The following DYNC2H1 variants were observed in gnomAD, a reference collection of about 807,000 sequenced individuals.
DYNC2H1 encodes the protein cytoplasmic dynein 2 heavy chain 1.
DYNC2H1 carries 410 observed loss-of-function variants against 570.0 expected under a neutral mutation model. The observed-to-expected ratio is 0.72, with a 90% confidence interval of 0.66 to 0.78. DYNC2H1 has a LOEUF of 0.78. DYNC2H1 is among the 30% of genes least tolerant of loss of function. The probability of loss-of-function intolerance (pLI) is 0.00; values close to 1 mark genes in which losing one functional copy is unlikely to be tolerated. For missense variants in DYNC2H1, 4,865 were observed against 5,046.4 expected (o/e 0.96, Z 1.09); for synonymous variants, 1,688 against 1,677.6 (o/e 1.01, Z -0.15).
intron 11 of DYNC2H1, 58 bp from the exon 12 acceptor site, chr11:103,125,042 T>G: frequency 2.9e-6 from 4 of 1,359,600 alleles, no homozygotes; most frequent in Non-Finnish European, 4.1e-6. Context: ...CCTATTGTGT[T>G]TATTAGTCAA....
chr11:103,229,503 A>C (rs11225610), intron 59 of DYNC2H1, among the ~76,000 whole-genome samples: 26,761 of 152,010 alleles, frequency 0.18, 2,997 homozygotes, highest in African/African-American at 0.32. Context: ...TTAATATAAG[A>C]ATTGCCTCCT....
chr11:103,162,702 C>T (rs898160065), intron 29 of DYNC2H1, among the ~76,000 whole-genome samples: 5 of 151,944 alleles, frequency 3.3e-5, no homozygotes, highest in East Asian at 1.9e-4. Context: ...GTGAATGGGT[C>T]GACTTTTAAA....
rs752556180 is a variant in DYNC2H1 at position 103,252,507 on chromosome 11, G to A, written c.10043-778G>A. On this transcript the variant is annotated intron_variant, in intron 65 of 88. Transcript: ENST00000375735. The surrounding 1 kb of genome is among the most constrained non-coding windows in gnomAD (Gnocchi z 4.6). ...TTTCTCCGTATCTTCATCAACATTT[G>A]TTATCTCTTGTCTTTTTGATAATAC... Among the ~76,000 whole-genome samples, 21 of 152,018 alleles carry A rather than the reference G, an allele frequency of 1.4e-4. No individual in the cohort carries two copies. The highest frequency in any genetic ancestry group is 3.1e-4 in the Non-Finnish European group (21 of 67,994).
intron 4 of DYNC2H1, among the ~76,000 whole-genome samples, chr11:103,115,659 G>A (rs1042918065): frequency 9.9e-5 from 15 of 152,062 alleles, no homozygotes; most frequent in South Asian, 2.1e-4. Context: ...TTAGCTGGGC[G>A]TGGTGGTGAG....
At chr11:103,467,987 A>G (rs1945248100) in intron 87 of DYNC2H1, among the ~76,000 whole-genome samples, 1 of 152,236 alleles carries the variant, frequency 6.6e-6, no homozygotes, top group Non-Finnish European at 1.5e-5. Context: ...GGCTAGATTA[A>G]CTGCAGAAAC....
chr11:103,389,293 G>T (rs1310736828), intron 83 of DYNC2H1, among the ~76,000 whole-genome samples: 1 of 152,176 alleles, frequency 6.6e-6, no homozygotes, highest in Non-Finnish European at 1.5e-5. Flanking sequence ...TTGTGTAGAG[G>T]TGTTTATAGT....
rs1438794866 is a variant in DYNC2H1 at position 103,145,793 on chromosome 11, T to C, written c.2703-1979T>C. On this transcript the variant is annotated intron_variant, in intron 18 of 88. Transcript: ENST00000375735. The surrounding 1 kb of genome is among the most constrained non-coding windows in gnomAD (Gnocchi z 4.2). ...CATTTTTGAATATGCATCTTTGATA[T>C]ATAATGAGTCATCTTCCATTTCTAT... is the stretch of plus-strand genomic sequence containing the variant. Among the ~76,000 whole-genome samples the C allele has an allele frequency of 6.6e-6, 1 of 152,228 alleles. No individual in the cohort carries two copies. The highest frequency in any genetic ancestry group is 1.5e-5 in the Non-Finnish European group (1 of 68,026).
chr11:103,290,247 A>G (rs1866540540), intron 75 of DYNC2H1, among the ~76,000 whole-genome samples: 1 of 152,020 alleles, frequency 6.6e-6, no homozygotes, highest in Non-Finnish European at 1.5e-5. Flanking sequence ...CTTTTCACAT[A>G]ATGCCTATCT....
At chr11:103,288,887 AAAAAAAAAAG>A (rs1866470696) in intron 75 of DYNC2H1, among the ~76,000 whole-genome samples, 2 of 150,350 alleles carry the variant, frequency 1.3e-5, no homozygotes, top group African/African-American at 2.4e-5. Flanking sequence ...TCTCAAAAAA[AAAAAAAAAAG>A]AAAGAAAATT....
At chr11:103,361,708 G>A (rs56168619) in intron 83 of DYNC2H1, among the ~76,000 whole-genome samples, 5,591 of 152,190 alleles carry the variant, frequency 0.037, 217 homozygotes, top group African/African-American at 0.088. Flanking sequence ...AGAGCAGTGG[G>A]TGCCCTTGAG....
At chr11:103,262,420 T>A (rs528205979) in intron 70 of DYNC2H1, among the ~76,000 whole-genome samples, 27 of 152,140 alleles carry the variant, frequency 1.8e-4, no homozygotes, top group African/African-American at 6.5e-4. Flanking sequence ...AAGGTTGAAA[T>A]GTAGGAAAAA....
chr11:103,234,026 T>C lies in DYNC2H1; in HGVS notation c.9441-8T>C. 6.5e-7 allele frequency: 1 copy of C among 1,549,226 alleles called. No individual in the cohort carries two copies. Among genetic ancestry groups the C allele is most frequent in the African/African-American group, 1.4e-5 (1 of 72,974 alleles). On this transcript the variant is annotated splice_region_variant and splice_polypyrimidine_tract_variant and intron_variant, in intron 60 of 88. Transcript: ENST00000375735. Reference sequence around the variant, plus strand: ...TTTGCTTTTAATTAAATTTTAATGTTTACATAGATTTCAGAGCAGGACTTC... The same window carrying C: ...TTTGCTTTTAATTAAATTTTAATGTCTACATAGATTTCAGAGCAGGACTTC...
At chr11:103,155,297 A>G (rs768694636) in intron 24 of DYNC2H1, 34 bp from the exon 25 acceptor site, 67 of 1,550,850 alleles carry the variant, frequency 4.3e-5, no homozygotes, top group Non-Finnish European at 5.6e-5. Flanking sequence ...ATATGTGTAT[A>G]CATATGACTT....
At chr11:103,358,631 T>C (rs911061750) in intron 83 of DYNC2H1, among the ~76,000 whole-genome samples, 72 of 152,358 alleles carry the variant, frequency 4.7e-4, no homozygotes, top group African/African-American at 1.6e-3. Context: ...ATTCCTTGTC[T>C]TGATGTTTGA....
At chr11:103,123,125 T>C in intron 11 of DYNC2H1, 125 bp downstream of exon 11, 1 of 751,948 alleles carries the variant, frequency 1.3e-6, no homozygotes, top group Non-Finnish European at 1.8e-6. Context: ...TTTTTTTTGT[T>C]GTTTGTTTTT....
intron 17 of DYNC2H1, among the ~76,000 whole-genome samples, chr11:103,140,275 G>T (rs1431319397): frequency 2.0e-5 from 3 of 152,036 alleles, no homozygotes. Flanking sequence ...TGGTTATTTT[G>T]CTCGTTAGTT....
At position 103,291,383 on chromosome 11, in the gene DYNC2H1, A is replaced by G. The variant is rs184897412; in HGVS notation, c.11095+3778A>G. On this transcript the variant is annotated intron_variant, in intron 75 of 88. Coordinates refer to ENST00000375735, the MANE Select transcript of DYNC2H1 (RefSeq NM_001377.3). Reference sequence around the variant, plus strand: ...ACCCACAAGGCGAAGGGTTGCTGTGAGCTGAGATCGTGTCACTGCACTCCA... The same window carrying G: ...ACCCACAAGGCGAAGGGTTGCTGTGGGCTGAGATCGTGTCACTGCACTCCA... Among the ~76,000 whole-genome samples, 1,224 of 152,292 alleles carry G rather than the reference A, an allele frequency of 8.0e-3. 6 individuals carry two copies. The highest frequency in any genetic ancestry group is 0.012 in the Non-Finnish European group (826 of 68,020).
chr11:103,203,815 T>C lies in DYNC2H1; in HGVS notation c.8311+39T>C. On this transcript the variant is annotated intron_variant, in intron 51 of 88. Transcript: ENST00000375735. This position sits in a 1 kb window ranked among gnomAD's most constrained non-coding sequence, Gnocchi z 4.7. ...AATTCATTAATCAAATCAAACTGGT[T>C]TGTATGAAATATATATCATTTAATT... 1 of 1,352,136 alleles carries C rather than the reference T, an allele frequency of 7.4e-7. No individual in the cohort carries two copies. Among genetic ancestry groups the C allele is most frequent in the Non-Finnish European group, 1.0e-6 (1 of 967,204 alleles). The allele number at this position is 1,352,136 out of a possible 1,614,324, so 83.8% of individuals were successfully genotyped here.
chr11:103,131,174 C>T (rs1000021255), intron 13 of DYNC2H1, among the ~76,000 whole-genome samples: 12 of 152,094 alleles, frequency 7.9e-5, no homozygotes, highest in Non-Finnish European at 1.6e-4. Context: ...AATATTTTCC[C>T]TATATACATT....
Sources: gnomAD v4.1 joint callset for allele counts (sites outside exome capture counted in the v4.1 genomes callset) on GRCh38, gnomAD v4.1.1 for gene constraint, Gnocchi (gnomAD v3.1) non-coding constraint, MANE v1.5 for transcripts, NCBI Gene and HGNC (gene_info 2026-07-23, HGNC 2026-07-21) for gene names.